CBLB: variants seen among roughly 807,000 people sequenced by gnomAD.
CBLB encodes Cbl proto-oncogene B.
In CBLB, 31 loss-of-function variants were observed where a neutral mutation model predicts 104.9. The observed-to-expected ratio is 0.30, with a 90% CI of 0.22 to 0.40. The LOEUF (loss-of-function observed/expected upper bound fraction) is 0.40. Ranked by LOEUF, CBLB falls within the 10% of genes least tolerant of loss-of-function variation. CBLB has a pLI of 1.00. For synonymous variants in CBLB, 440 were observed against 422.6 expected (o/e 1.04, Z -0.51); for missense variants, 1,062 against 1,214.6 (o/e 0.87, Z 1.87).
In CBLB at chr3:105,661,869, T is replaced by C. The variant is rs189478487; in HGVS notation, c.2690-2640A>G. Among the ~76,000 whole-genome samples, 3 of 152,304 alleles carry C rather than the reference T, an allele frequency of 2.0e-5. No individual in the cohort carries two copies. In the East Asian group the frequency reaches 5.8e-4, roughly 29 times the overall value. On this transcript the variant is annotated intron_variant, in intron 18 of 18. Coordinates refer to ENST00000394030, the MANE Select transcript of CBLB (RefSeq NM_170662.5). ...AACAATTAATGTAATATACAGTATA[T>C]GGACTGAGGAGACCATTAAAAAGAA... is the stretch of plus-strand genomic sequence containing the variant.
At chr3:105,721,451 C>T (rs2152829339) in intron 9 of CBLB, among the ~76,000 whole-genome samples, 1 of 152,242 alleles carries the variant, frequency 6.6e-6, no homozygotes, top group East Asian at 1.9e-4. Flanking sequence ...TCAGTCAGCT[C>T]AACAAATTGA....
chr3:105,842,722 G>C (rs1227678565), intron 3 of CBLB, among the ~76,000 whole-genome samples: 1 of 152,102 alleles, frequency 6.6e-6, no homozygotes, highest in Non-Finnish European at 1.5e-5. Flanking sequence ...GCTGCAACAG[G>C]AATTCCACAA....
At chr3:105,757,156 T>C (rs1240041160) in intron 4 of CBLB, among the ~76,000 whole-genome samples, 1 of 152,156 alleles carries the variant, frequency 6.6e-6, no homozygotes, top group Non-Finnish European at 1.5e-5. Flanking sequence ...CTCCTTGATG[T>C]TATATATCCA....
chr3:105,858,936 T>C (rs1184776718), intron 2 of CBLB, among the ~76,000 whole-genome samples: 2 of 152,160 alleles, frequency 1.3e-5, no homozygotes, highest in Non-Finnish European at 2.9e-5. Flanking sequence ...ATTAATATAT[T>C]GGCTATGCAT....
chr3:105,703,075 C>A, intron 11 of CBLB, among the ~76,000 whole-genome samples: 1 of 152,030 alleles, frequency 6.6e-6, no homozygotes, highest in Non-Finnish European at 1.5e-5. Flanking sequence ...TTTAAAAGAT[C>A]AGGCTGATTC....
chr3:105,693,571 G>A lies in CBLB; in HGVS notation c.1977C>T (p.His659=). The change falls in exon 13 of 19, where the codon CAC becomes CAT. Residue 659 remains histidine (H), a synonymous_variant. Transcript: ENST00000394030. ...LEGAKVFSNG[H]LGSEEYDVPP... ...GAACATCATATTCTTCACTTCCAAG[G>A]TGACCATTGGAAAAGACCTGAAAGT... 6.2e-7 allele frequency: 1 copy of A among 1,611,894 alleles called. No homozygotes were observed. The highest frequency in any genetic ancestry group is 1.1e-5 in the South Asian group (1 of 91,022).
In CBLB at chr3:105,702,047, A is replaced by T. The variant is rs1416620647; in HGVS notation, c.1959+47T>A. The T allele has an allele frequency of 6.2e-6, 10 of 1,611,168 alleles. No homozygotes were observed. In the African/African-American group the frequency reaches 1.2e-4, roughly 19 times the overall value. The stretch of plus-strand genomic sequence containing the variant: ...ACCTTTTATGCTACTGACCATCAGA[A>T]GCATTTATAAGCAGATTCTCTAGCT... On this transcript the variant is annotated intron_variant, in intron 12 of 18. Coordinates refer to ENST00000394030, the MANE Select transcript of CBLB (RefSeq NM_170662.5).
At chr3:105,736,698 G>A (rs2074989909) in intron 8 of CBLB, among the ~76,000 whole-genome samples, 1 of 152,040 alleles carries the variant, frequency 6.6e-6, no homozygotes, top group Non-Finnish European at 1.5e-5. Context: ...TTTTCACTTA[G>A]ATTTTTATAA....
chr3:105,829,773 A>G (rs1310711572), intron 3 of CBLB, among the ~76,000 whole-genome samples: 2 of 149,128 alleles, frequency 1.3e-5, no homozygotes, highest in Non-Finnish European at 3.0e-5. Flanking sequence ...TTTTTCTTCT[A>G]CATTATTATA....
chr3:105,794,400 AGTTT>A (rs2082025194), intron 3 of CBLB, among the ~76,000 whole-genome samples: 1 of 152,228 alleles, frequency 6.6e-6, no homozygotes, highest in Admixed American at 6.5e-5. Flanking sequence ...CTTACGGAGC[AGTTT>A]GTTTCCCCAG....
chr3:105,688,939 T>C (rs1259756753), intron 13 of CBLB, among the ~76,000 whole-genome samples: 1 of 152,110 alleles, frequency 6.6e-6, no homozygotes, highest in Non-Finnish European at 1.5e-5. Context: ...TTGTGTTCTA[T>C]CCAGCCTCTG....
intron 10 of CBLB, among the ~76,000 whole-genome samples, chr3:105,717,150 T>C (rs1559936808): frequency 6.6e-6 from 1 of 152,128 alleles, no homozygotes; most frequent in Non-Finnish European, 1.5e-5. Flanking sequence ...GCAGATACTG[T>C]TTTCTCCCAA....
chr3:105,703,844 C>T, intron 11 of CBLB, 144 bp downstream of exon 11: 1 of 713,442 alleles, frequency 1.4e-6, no homozygotes, highest in Non-Finnish European at 2.4e-6. Flanking sequence ...TGAATGTGGG[C>T]TCACCATAAA....
chr3:105,750,222 C>A (rs937714592), intron 5 of CBLB, among the ~76,000 whole-genome samples: 1 of 151,902 alleles, frequency 6.6e-6, no homozygotes, highest in African/African-American at 2.4e-5. Flanking sequence ...GTTTCACATC[C>A]TATATGTACT....
At position 105,704,157 on chromosome 3, in the gene CBLB, T is replaced by C; in HGVS notation, c.1424A>G (p.Asn475Ser). 6.2e-7 allele frequency: 1 copy of C among 1,613,872 alleles called. No homozygotes were observed. The highest frequency in any genetic ancestry group is 8.5e-7 in the Non-Finnish European group (1 of 1,179,880). Reference sequence around the variant, plus strand: ...GGATCCTGGTGATGTGACTGGTGAGTTCTGCCTGTCAGTGCACTAGAACAG... The same window carrying C: ...GGATCCTGGTGATGTGACTGGTGAGCTCTGCCTGTCAGTGCACTAGAACAG... ...ANVRKCTDRQ[N>S]SPVTSPGSSP... Residue 475 changes from asparagine (N) to serine (S), a missense_variant, in exon 11 of 19, where the codon AAC (asparagine) becomes AGC (serine). Coordinates refer to ENST00000394030, the MANE Select transcript of CBLB (RefSeq NM_170662.5).
chr3:105,702,151 A>G lies in CBLB; in HGVS notation c.1902T>C (p.Ser634=), dbSNP rs2069223909. 1 of 1,614,084 alleles carries G rather than the reference A, an allele frequency of 6.2e-7. No homozygotes were observed. Among genetic ancestry groups the G allele is most frequent in the South Asian group, 1.1e-5 (1 of 91,090 alleles). Residue 634 remains serine (S), a synonymous_variant, in exon 12 of 19, where the codon TCT becomes TCC. Transcript: ENST00000394030. ...TGTGTTTCCGCATAAGCACTGGGTC[A>G]GAGCCCACTCTACTGTGCCTTCCAT... ...NVNGRHSRVG[S]DPVLMRKHRR...
chr3:105,702,431 T>G lies in CBLB; in HGVS notation c.1622A>C (p.Asp541Ala). 1.2e-6 allele frequency: 2 copies of G among 1,603,636 alleles called. No homozygotes were observed. The highest frequency in any genetic ancestry group is 8.5e-7 in the Non-Finnish European group (1 of 1,176,496). Reference sequence around the variant, plus strand: ...AGGAGGTGGTGCTGGGAGTGGTTTATCTTGTTTTCTCACCATGCAAGGAGA... The same window carrying G: ...AGGAGGTGGTGCTGGGAGTGGTTTAGCTTGTTTTCTCACCATGCAAGGAGA... ...KSSPCMVRKQ[D>A]KPLPAPPPPL... The change falls in exon 12 of 19, where the codon GAT becomes GCT. Residue 541 changes from aspartate to alanine, a missense_variant. By Grantham distance (126) the Asp-to-Ala change is moderately radical. Coordinates refer to ENST00000394030, the MANE Select transcript of CBLB (RefSeq NM_170662.5).
intron 3 of CBLB, among the ~76,000 whole-genome samples, chr3:105,792,644 G>A (rs112813321): frequency 2.6e-5 from 4 of 152,254 alleles, no homozygotes; most frequent in African/African-American, 7.2e-5. Flanking sequence ...CTTCCGATGG[G>A]TCAACAGACT....
chr3:105,687,988 G>A lies in CBLB; in HGVS notation c.2055-2522C>T, dbSNP rs147235609. ...CCTCTACAAACTCATTCAAAAAACA[G>A]GTTTAATTTTACTTACTACTAAATA... On this transcript the variant is annotated intron_variant, in intron 13 of 18. Transcript: ENST00000394030. Among the ~76,000 whole-genome samples the A allele has an allele frequency of 3.6e-4, 54 of 152,016 alleles. 1 individual carries two copies. Among genetic ancestry groups the A allele is most frequent in the Admixed American group, 3.5e-3 (54 of 15,262 alleles).
Sources: gnomAD v4.1 joint callset for allele counts (sites outside exome capture counted in the v4.1 genomes callset) on GRCh38, gnomAD v4.1.1 for gene constraint, MANE v1.5 for transcripts, NCBI Gene and HGNC (gene_info 2026-07-23, HGNC 2026-07-21) for gene names.